The following DCAF4 variants were observed in gnomAD, a reference collection of about 807,000 sequenced individuals.
DCAF4 encodes DDB1 and CUL4 associated factor 4.
In DCAF4, 37 loss-of-function variants were observed where a neutral mutation model predicts 60.9. The observed-to-expected ratio is 0.61, with a 90% CI of 0.47 to 0.80. The LOEUF (loss-of-function observed/expected upper bound fraction) is 0.80. Among genes scored for constraint, DCAF4 ranks in the 30% least tolerant of loss-of-function variants. DCAF4 has a pLI of 0.00. For synonymous variants in DCAF4, 243 were observed against 254.8 expected, an observed-to-expected ratio of 0.95 and a Z score of 0.44; for missense variants, 577 against 650.0, an observed-to-expected ratio of 0.89 and a Z score of 1.22.
chr14:72,960,476 C>T (rs563081545), downstream of DCAF4: 8 of 248,180 alleles, frequency 3.2e-5, no homozygotes, highest in Admixed American at 6.4e-5. Flanking sequence ...TTAATCCGTC[C>T]GCCCCAGTTA....
At chr14:72,934,510 A>T (rs1403922788) in intron 1 of DCAF4, among the ~76,000 whole-genome samples, 3 of 152,134 alleles carry the variant, frequency 2.0e-5, no homozygotes, top group African/African-American at 7.2e-5. Context: ...GGCTGGTCTC[A>T]AACTGCTGAC....
chr14:72,961,757 C>G, downstream of DCAF4: 1 of 899,040 alleles, frequency 1.1e-6, no homozygotes, highest in Non-Finnish European at 1.3e-6. Flanking sequence ...GCAGTGACTA[C>G]ACCTGGTTGG....
In DCAF4 at chr14:72,947,168, G is replaced by C; in HGVS notation, c.705G>C (p.Leu235=). The part of the protein sequence containing the change: ...RKVNSVCWAS[L]NHLDSHILLC... ...TGAATTCGGTGTGCTGGGCCTCGCT[G>C]AATCACTTGGATTCCCACATTCTGT... The change falls in exon 8 of 14, where the codon CTG becomes CTC. Residue 235 remains leucine, a synonymous_variant. Coordinates refer to ENST00000358377, the MANE Select transcript of DCAF4 (RefSeq NM_015604.4). 1 of 1,614,084 alleles carries C rather than the reference G, an allele frequency of 6.2e-7. No homozygotes were observed. Among genetic ancestry groups the C allele is most frequent in the Non-Finnish European group, 8.5e-7 (1 of 1,179,990 alleles).
intron 13 of DCAF4, chr14:72,957,560 C>T (rs1254292722): frequency 2.0e-5 from 3 of 152,234 alleles, no homozygotes; most frequent in Non-Finnish European, 4.4e-5. Flanking sequence ...TCATCAACAC[C>T]AGGACTTCGC....
rs781015263 is a variant in DCAF4 at position 72,951,878 on chromosome 14, G to A, written c.808+1G>A. On this transcript the variant is annotated splice_donor_variant, in intron 9 of 13. Coordinates refer to ENST00000358377, the MANE Select transcript of DCAF4 (RefSeq NM_015604.4). LOFTEE classifies it high-confidence loss of function. ...TCACTGTTCGTCAATAGTCACCCAGGTACAGGGTTCTCCTCCTTTAAAGAA... is the reference window on the plus strand; with the variant it reads ...TCACTGTTCGTCAATAGTCACCCAGATACAGGGTTCTCCTCCTTTAAAGAA... 5.0e-6 allele frequency: 8 copies of A among 1,614,106 alleles called. No homozygotes were observed. Among genetic ancestry groups the A allele is most frequent in the East Asian group, 2.2e-5 (1 of 44,878 alleles).
intron 1 of DCAF4, among the ~76,000 whole-genome samples, chr14:72,927,387 TGTC>T (rs1399983667): frequency 1.5e-5 from 2 of 131,382 alleles, no homozygotes; most frequent in Non-Finnish European, 3.1e-5. Context: ...GGAGTCTCGC[TGTC>T]GCCCAGGCTG....
intron 5 of DCAF4, chr14:72,942,740 A>G (rs1416746152): frequency 2.1e-6 from 1 of 477,152 alleles, no homozygotes; most frequent in African/African-American, 2.0e-5. Flanking sequence ...TGCAGACACA[A>G]CTCCCTCTAA....
At chr14:72,928,165 G>C (rs988211270) in intron 1 of DCAF4, among the ~76,000 whole-genome samples, 1 of 122,096 alleles carries the variant, frequency 8.2e-6, no homozygotes, top group East Asian at 2.7e-4. Context: ...ATTACAGCCC[G>C]CTAGTCTACA....
intron 1 of DCAF4, chr14:72,929,926 G>C: frequency 8.9e-7 from 1 of 1,121,750 alleles, no homozygotes; most frequent in Non-Finnish European, 1.3e-6. Context: ...GTAGCGCAGA[G>C]CCATGGCTGC....
Position 72,951,511 on chromosome 14 carries a change from C to T in DCAF4, c.729-287C>T, listed in dbSNP as rs541873522. ...CTGTAATCCCAGCTACTCAGGAAGC[C>T]GAGGCAGGAGAATCGCTTGAACCTG... is the stretch of plus-strand genomic sequence containing the variant. On this transcript the variant is annotated intron_variant, in intron 8 of 13. Coordinates refer to ENST00000358377, the MANE Select transcript of DCAF4 (RefSeq NM_015604.4). 1.2e-4 allele frequency among the ~76,000 whole-genome samples: 19 copies of T among 152,056 alleles called. No individual in the cohort carries two copies. The South Asian group carries it at 3.9e-3, about 32-fold the overall frequency.
downstream of DCAF4, chr14:72,959,746 C>T: frequency 1.3e-6 from 1 of 748,912 alleles, no homozygotes; most frequent in Non-Finnish European, 1.6e-6. Context: ...TCCCTGGGCC[C>T]CTCCAGACCC....
intron 5 of DCAF4, 35 bp downstream of exon 5, chr14:72,941,859 G>A: frequency 6.3e-7 from 1 of 1,598,062 alleles, no homozygotes; most frequent in South Asian, 1.1e-5. Flanking sequence ...TTTTCTTCAT[G>A]AATGTTCTTT....
chr14:72,946,001 G>A lies in DCAF4; in HGVS notation c.652G>A (p.Glu218Lys), dbSNP rs753054832. Residue 218 changes from glutamate to lysine, a missense_variant, in exon 7 of 14, where the codon GAA becomes AAA. Physicochemically the swap from Glu to Lys is moderately conservative, Grantham distance 56. Transcript: ENST00000358377. The part of the protein sequence containing the change: ...KTPTLKVFMH[E>K]NLYFTNRKVN... ...CCCTACGCTCAAGGTGTTCATGCAC[G>A]AAAACCTCTACTTCACCAACCGGAA... 9 of 1,613,960 alleles carry A rather than the reference G, an allele frequency of 5.6e-6. No homozygotes were observed. The highest frequency in any genetic ancestry group is 4.0e-5 in the African/African-American group (3 of 74,918).
Position 72,947,231 on chromosome 14 carries a change from C to T in DCAF4, c.728+40C>T, listed in dbSNP as rs752114098. ...AGGAAGAGGTTTGGTGGGCAGGCCA[C>T]ACCCTGACGTTGGACCTGGGTATCT... is the stretch of plus-strand genomic sequence containing the variant. On this transcript the variant is annotated intron_variant, in intron 8 of 13. Coordinates refer to ENST00000358377, the MANE Select transcript of DCAF4 (RefSeq NM_015604.4). 3.1e-6 allele frequency: 5 copies of T among 1,611,736 alleles called. No individual in the cohort carries two copies. In the South Asian group the frequency reaches 5.5e-5, roughly 18 times the overall value.
rs1890660326 is a variant in DCAF4 at position 72,945,811 on chromosome 14, C to CGGGCAGGTCCCTCTT, written c.535-72_535-58dup. Reference sequence around the variant, plus strand: ...CACAGAGCATGGGGGCCAGGAGAGACGGGCAGGTCCCTCTTAGGCAGTCCA... The same window carrying CGGGCAGGTCCCTCTT: ...CACAGAGCATGGGGGCCAGGAGAGACGGGCAGGTCCCTCTTGGGCAGGTCCCTCTTAGGCAGTCCA... On this transcript the variant is annotated intron_variant, in intron 6 of 13. Coordinates refer to ENST00000358377, the MANE Select transcript of DCAF4 (RefSeq NM_015604.4). 2.5e-6 allele frequency: 4 copies of CGGGCAGGTCCCTCTT among 1,588,002 alleles called. No individual in the cohort carries two copies. In the Admixed American group the frequency reaches 5.1e-5, roughly 20 times the overall value.
chr14:72,946,611 C>T (rs547605919), intron 7 of DCAF4, among the ~76,000 whole-genome samples: 1 of 152,092 alleles, frequency 6.6e-6, no homozygotes, highest in African/African-American at 2.4e-5. Context: ...TGGAAATGGG[C>T]GACAGTGACT....
intron 6 of DCAF4, among the ~76,000 whole-genome samples, chr14:72,944,782 A>T (rs77818935): frequency 0.039 from 5,964 of 151,232 alleles, 334 homozygotes; most frequent in African/African-American, 0.12. Flanking sequence ...ACCAATCAAG[A>T]CTCTGTCTCA....
intron 3 of DCAF4, 101 bp from the exon 4 acceptor site, chr14:72,940,119 G>A (rs916106571): frequency 1.1e-5 from 16 of 1,494,056 alleles, no homozygotes; most frequent in Middle Eastern, 1.7e-4. Context: ...CCTCAGAAAA[G>A]ACAGGCAGCC....
In DCAF4 at chr14:72,947,139, C is replaced by T; in HGVS notation, c.679-3C>T. 1 of 1,614,148 alleles carries T rather than the reference C, an allele frequency of 6.2e-7. No homozygotes were observed. The highest frequency in any genetic ancestry group is 1.1e-5 in the South Asian group (1 of 91,084). ...TCCATCTCGCTGTGTGCTTCCTCAC[C>T]AGGTGAATTCGGTGTGCTGGGCCTC... On this transcript the variant is annotated splice_polypyrimidine_tract_variant and splice_region_variant and intron_variant, in intron 7 of 13. Coordinates refer to ENST00000358377, the MANE Select transcript of DCAF4 (RefSeq NM_015604.4).
Sources: allele counts gnomAD v4.1 joint callset (sites outside exome capture counted in the v4.1 genomes callset), GRCh38; gene constraint gnomAD v4.1.1; transcripts MANE v1.5; gene names NCBI Gene and HGNC (gene_info 2026-07-23, HGNC 2026-07-21).